PTPRD: variants seen among roughly 807,000 people sequenced by gnomAD.
The protein encoded by PTPRD is receptor-type tyrosine-protein phosphatase delta.
PTPRD carries 34 observed loss-of-function variants against 214.5 expected under a neutral mutation model. The ratio of observed to expected loss-of-function variants is 0.16; its 90% CI spans 0.12 to 0.21. PTPRD has a LOEUF of 0.21. Among genes scored for constraint, PTPRD ranks in the 10% least tolerant of loss-of-function variants. The pLI is 1.00. For missense variants in PTPRD, 2,545 were observed against 2,398.7 expected (o/e 1.06, Z -1.27); for synonymous variants, 1,128 against 845.7 (o/e 1.33, Z -5.79).
intron 11 of PTPRD, among the ~76,000 whole-genome samples, chr9:8,735,891 G>T (rs1266467069): frequency 7.9e-6 from 1 of 127,004 alleles, no homozygotes; most frequent in Non-Finnish European, 1.6e-5. Context: ...CAGTCTGGGT[G>T]ACAAGTGAGA....
At chr9:8,667,613 C>A (rs2097195895) in intron 12 of PTPRD, among the ~76,000 whole-genome samples, 1 of 151,736 alleles carries the variant, frequency 6.6e-6, no homozygotes, top group Non-Finnish European at 1.5e-5. Context: ...GCATATAAGA[C>A]ATATAAAATA....
At chr9:10,395,347 C>A (rs563394710) in intron 2 of PTPRD, among the ~76,000 whole-genome samples, 2 of 150,558 alleles carry the variant, frequency 1.3e-5, no homozygotes, top group African/African-American at 4.9e-5. Context: ...TGAGAACATG[C>A]GGTGTTTGGT....
At position 9,712,962 on chromosome 9, in the gene PTPRD, T is replaced by C. The variant is rs535689148; in HGVS notation, c.-287+21571A>G. 1.2e-4 allele frequency among the ~76,000 whole-genome samples: 19 copies of C among 152,322 alleles called. No homozygotes were observed. The Middle Eastern group carries it at 0.01, about 82-fold the overall frequency. The stretch of plus-strand genomic sequence containing the variant: ...CACAAAACATTAATGAAAAAACTCA[T>C]TTGCTAAATCAGTCGCTAATCTTGT... On this transcript the variant is annotated intron_variant, in intron 7 of 45. Transcript: ENST00000381196.
At chr9:10,425,865 A>G (rs980981287) in intron 2 of PTPRD, among the ~76,000 whole-genome samples, 2 of 151,958 alleles carry the variant, frequency 1.3e-5, no homozygotes, top group African/African-American at 4.8e-5. Flanking sequence ...TTATATTCAT[A>G]AGTCATATAC....
rs1478446111 is a variant in PTPRD at position 8,316,386 on chromosome 9, G to GCACTT, written c.*1483_*1487dup. On this transcript the variant is annotated 3_prime_UTR_variant, in exon 46 of 46. Coordinates refer to ENST00000381196, the MANE Select transcript of PTPRD (RefSeq NM_002839.4). ...TAAAACCAAAACGAAACAAAGTACA[G>GCACTT]CACTTCCCAGGAATGCTGTATGCCA... The GCACTT allele has an allele frequency of 4.3e-6, 1 of 231,360 alleles. No homozygotes were observed. The highest frequency in any genetic ancestry group is 5.7e-5 in the Admixed American group (1 of 17,684). The allele number at this position is 231,360 out of a possible 1,614,324, so 14.3% of individuals were successfully genotyped here.
chr9:10,193,958 T>C (rs1322643676), intron 3 of PTPRD, among the ~76,000 whole-genome samples: 2 of 152,130 alleles, frequency 1.3e-5, no homozygotes, highest in African/African-American at 4.8e-5. Flanking sequence ...ACTATTGCTG[T>C]GCTCAAAGTT....
Position 9,294,758 on chromosome 9 carries a change from T to G in PTPRD, c.-203+102691A>C, listed in dbSNP as rs150015469. On this transcript the variant is annotated intron_variant, in intron 9 of 45. Coordinates refer to ENST00000381196, the MANE Select transcript of PTPRD (RefSeq NM_002839.4). Reference sequence around the variant, plus strand: ...GAAATATGACAAAATGAATTTCTGTTGTTTAAGTCACCCAATCTGGGTATT... The same window carrying G: ...GAAATATGACAAAATGAATTTCTGTGGTTTAAGTCACCCAATCTGGGTATT... Among the ~76,000 whole-genome samples the G allele has an allele frequency of 1.3e-3, 204 of 151,774 alleles. 2 individuals are homozygous for G. Among genetic ancestry groups the G allele is most frequent in the African/African-American group, 4.7e-3 (194 of 41,476 alleles).
chr9:10,265,026 T>G (rs2093961096), intron 3 of PTPRD, among the ~76,000 whole-genome samples: 1 of 152,158 alleles, frequency 6.6e-6, no homozygotes, highest in African/African-American at 2.4e-5. Context: ...CCACCATGAC[T>G]GTGAGGCCTT....
chr9:9,147,817 A>G (rs1206961995), intron 10 of PTPRD, among the ~76,000 whole-genome samples: 2 of 152,180 alleles, frequency 1.3e-5, no homozygotes, highest in Non-Finnish European at 2.9e-5. Flanking sequence ...CCAAATCTGG[A>G]ATATCAATCA....
At chr9:9,040,130 T>C (rs753843051) in intron 10 of PTPRD, among the ~76,000 whole-genome samples, 6 of 152,172 alleles carry the variant, frequency 3.9e-5, no homozygotes, top group Admixed American at 6.5e-5. Flanking sequence ...CATTTAATCT[T>C]TACAAGCCCA....
intron 2 of PTPRD, among the ~76,000 whole-genome samples, chr9:10,511,879 T>TGTAC (rs199801590): frequency 1.9e-4 from 3 of 15,676 alleles, no homozygotes; most frequent in Non-Finnish European, 3.8e-4. Flanking sequence ...TGTGTGTGTG[T>TGTAC]ATATACACAC....
At chr9:9,566,924 T>A (rs1319616161) in intron 8 of PTPRD, among the ~76,000 whole-genome samples, 1 of 151,986 alleles carries the variant, frequency 6.6e-6, no homozygotes, top group Non-Finnish European at 1.5e-5. Flanking sequence ...AAACACAGAG[T>A]AAACCTTACC....
chr9:10,397,582 T>C (rs2098195075), intron 2 of PTPRD, among the ~76,000 whole-genome samples: 1 of 152,020 alleles, frequency 6.6e-6, no homozygotes. Context: ...CGACCACATA[T>C]CTAACAGTGA....
intron 5 of PTPRD, among the ~76,000 whole-genome samples, chr9:9,924,883 G>A (rs1474357372): frequency 6.6e-6 from 1 of 152,006 alleles, no homozygotes; most frequent in African/African-American, 2.4e-5. Flanking sequence ...TTTGAATGAA[G>A]CACCTTCTGT....
At chr9:9,703,416 A>G (rs981769041) in intron 7 of PTPRD, among the ~76,000 whole-genome samples, 1 of 151,970 alleles carries the variant, frequency 6.6e-6, no homozygotes, top group Non-Finnish European at 1.5e-5. Context: ...TTAACATTAA[A>G]CCTCCAGTAA....
At chr9:10,236,587 A>C (rs897295184) in intron 3 of PTPRD, among the ~76,000 whole-genome samples, 1 of 151,944 alleles carries the variant, frequency 6.6e-6, no homozygotes, top group African/African-American at 2.4e-5. Flanking sequence ...TTTGAAAAAT[A>C]TACACAATAT....
chr9:9,920,415 C>A (rs552915629), intron 5 of PTPRD, among the ~76,000 whole-genome samples: 98 of 152,230 alleles, frequency 6.4e-4, no homozygotes, highest in African/African-American at 2.1e-3. Context: ...GAATCTATTT[C>A]TCACTGATGT....
chr9:8,322,425 G>C (rs1437642050), intron 44 of PTPRD, among the ~76,000 whole-genome samples: 1 of 152,178 alleles, frequency 6.6e-6, no homozygotes, highest in African/African-American at 2.4e-5. Flanking sequence ...TAAGGAAGTA[G>C]AACAGCTTTA....
intron 5 of PTPRD, among the ~76,000 whole-genome samples, chr9:9,842,930 C>T (rs1038172893): frequency 2.0e-5 from 3 of 152,032 alleles, no homozygotes; most frequent in African/African-American, 7.2e-5. Context: ...TCATGTAAAA[C>T]TTTCTATACG....
Sources: allele counts gnomAD v4.1 joint callset (sites outside exome capture counted in the v4.1 genomes callset), GRCh38; gene constraint gnomAD v4.1.1; transcripts MANE v1.5; gene names NCBI Gene and HGNC (gene_info 2026-07-23, HGNC 2026-07-21).